MACIR: variants seen among roughly 807,000 people sequenced by gnomAD.
MACIR encodes the protein macrophage immunometabolism regulator.
MACIR carries 4 observed loss-of-function variants against 14.3 expected under a neutral mutation model. The observed-to-expected ratio is 0.28, with a 90% CI of 0.14 to 0.64. The LOEUF (loss-of-function observed/expected upper bound fraction) is 0.64. Ranked by LOEUF, MACIR falls within the 30% of genes least tolerant of loss-of-function variation. MACIR has a pLI of 0.83. For synonymous variants in MACIR, 101 were observed against 102.4 expected (o/e 0.99, Z 0.08); for missense variants, 228 against 257.6 (o/e 0.89, Z 0.79).
chr5:103,270,338 T>C (rs1357240981), intron 2 of MACIR, among the ~76,000 whole-genome samples: 1 of 151,298 alleles, frequency 6.6e-6, no homozygotes, highest in African/African-American at 2.5e-5. Context: ...TGCCTATGTG[T>C]ACTCTTGCAT....
intron 2 of MACIR, among the ~76,000 whole-genome samples, chr5:103,267,667 G>A (rs1562548404): frequency 6.6e-6 from 1 of 152,084 alleles, no homozygotes; most frequent in Non-Finnish European, 1.5e-5. Context: ...TTAAAATTTG[G>A]AGGACCATCT....
upstream of MACIR, among the ~76,000 whole-genome samples, chr5:103,258,440 G>A (rs951744095): frequency 6.6e-6 from 1 of 152,170 alleles, no homozygotes; most frequent in South Asian, 2.1e-4. Flanking sequence ...TCCCAGGTCC[G>A]CAAGTTGGAG....
chr5:103,259,139 TG>T (rs1484550685), intron 1 of MACIR: 2 of 152,224 alleles, frequency 1.3e-5, no homozygotes, highest in East Asian at 3.9e-4. Flanking sequence ...CAGCGTCCCT[TG>T]GCCTTGGTGG....
intron 1 of MACIR, among the ~76,000 whole-genome samples, chr5:103,263,993 G>A (rs1580567414): frequency 1.3e-5 from 2 of 152,070 alleles, no homozygotes; most frequent in East Asian, 3.8e-4. Context: ...TTTCAAGTTG[G>A]AAATAACCAT....
intron 1 of MACIR, among the ~76,000 whole-genome samples, chr5:103,260,999 C>T (rs1325743949): frequency 2.0e-5 from 3 of 152,138 alleles, no homozygotes; most frequent in Non-Finnish European, 2.9e-5. Flanking sequence ...CACTTACTGT[C>T]GGTCATATTT....
At chr5:103,273,970 G>A (rs1805228060) in intron 2 of MACIR, among the ~76,000 whole-genome samples, 3 of 152,106 alleles carry the variant, frequency 2.0e-5, no homozygotes, top group Non-Finnish European at 4.4e-5. Context: ...TGAGTGTGGT[G>A]CCCAGTCTTG....
chr5:103,264,367 A>G (rs1350246614), intron 1 of MACIR, among the ~76,000 whole-genome samples: 3 of 152,186 alleles, frequency 2.0e-5, no homozygotes, highest in Admixed American at 6.5e-5. Context: ...ATTGTATATC[A>G]CTTTTGACAT....
intron 2 of MACIR, among the ~76,000 whole-genome samples, chr5:103,272,070 A>T (rs2149931387): frequency 6.6e-6 from 1 of 152,256 alleles, no homozygotes; most frequent in East Asian, 1.9e-4. Context: ...AGTGCTTTGT[A>T]ATTGTTTATC....
intron 1 of MACIR, among the ~76,000 whole-genome samples, chr5:103,265,183 T>C (rs1320211656): frequency 6.6e-6 from 1 of 152,114 alleles, no homozygotes; most frequent in African/African-American, 2.4e-5. Context: ...GTGGTAACTA[T>C]AAAAAAGTGC....
At chr5:103,264,384 G>T (rs1804847502) in intron 1 of MACIR, among the ~76,000 whole-genome samples, 1 of 152,124 alleles carries the variant, frequency 6.6e-6, no homozygotes, top group Non-Finnish European at 1.5e-5. Flanking sequence ...ACATAAGGAA[G>T]ATGCTAAAGA....
At chr5:103,270,966 A>G (rs1459106747) in intron 2 of MACIR, among the ~76,000 whole-genome samples, 2 of 152,138 alleles carry the variant, frequency 1.3e-5, no homozygotes, top group Non-Finnish European at 2.9e-5. Context: ...TCAGTCTGTA[A>G]TAGAGAAAAA....
At chr5:103,272,404 A>G (rs1340817657) in intron 2 of MACIR, among the ~76,000 whole-genome samples, 8 of 149,990 alleles carry the variant, frequency 5.3e-5, no homozygotes, top group Admixed American at 5.3e-4. Flanking sequence ...GGAGGTACCC[A>G]GACTTCTTCC....
intron 2 of MACIR, among the ~76,000 whole-genome samples, chr5:103,266,924 CG>C (rs1342588435): frequency 6.6e-6 from 1 of 151,988 alleles, no homozygotes; most frequent in Non-Finnish European, 1.5e-5. Flanking sequence ...AAATTGGAAA[CG>C]TTACTAAAAT....
rs1804877537 is a variant in MACIR, at chr5:103,265,152, A to G, written c.-113-756A>G. ...GTAAGAGAGGGAAGGCACAGAGGAGATGCTAGAAACCTTAAGTAAGGTGGT... is the reference window on the plus strand; with the variant it reads ...GTAAGAGAGGGAAGGCACAGAGGAGGTGCTAGAAACCTTAAGTAAGGTGGT... On this transcript the variant is annotated intron_variant, in intron 1 of 2. Coordinates refer to ENST00000319933, the MANE Select transcript of MACIR (RefSeq NM_033211.4). Among the ~76,000 whole-genome samples, 3 of 152,110 alleles carry G rather than the reference A, an allele frequency of 2.0e-5. No individual in the cohort carries two copies. The South Asian group carries it at 6.2e-4, about 31-fold the overall frequency.
chr5:103,268,707 T>G (rs1335498211), intron 2 of MACIR, among the ~76,000 whole-genome samples: 4 of 152,196 alleles, frequency 2.6e-5, no homozygotes, highest in African/African-American at 9.7e-5. Flanking sequence ...ATCAGCAGTT[T>G]TTGAAGCTCC....
At chr5:103,265,054 T>G (rs1804875255) in intron 1 of MACIR, among the ~76,000 whole-genome samples, 1 of 152,046 alleles carries the variant, frequency 6.6e-6, no homozygotes. Context: ...GTTTTCCTCG[T>G]CTCAGCAAAT....
intron 2 of MACIR, among the ~76,000 whole-genome samples, chr5:103,270,667 C>T (rs1419541043): frequency 6.6e-6 from 1 of 152,138 alleles, no homozygotes; most frequent in African/African-American, 2.4e-5. Flanking sequence ...TTCATGGACT[C>T]TAAGACCTCT....
At position 103,277,636 on chromosome 5, in the gene MACIR, C is replaced by T. The variant is rs1329548165; in HGVS notation, c.*1096C>T. 1.8e-5 allele frequency: 3 copies of T among 166,880 alleles called. No individual in the cohort carries two copies. In the Admixed American group the frequency reaches 2.0e-4, roughly 11 times the overall value. 10.3% of individuals were successfully genotyped at this position (166,880 alleles called of 1,614,324 possible). ...GTTTTAATGGGTTAATCCTGGATTA[C>T]TTAACAATTTATGTCAATTGCACTG... On this transcript the variant is annotated 3_prime_UTR_variant, in exon 3 of 3. Coordinates refer to ENST00000319933, the MANE Select transcript of MACIR (RefSeq NM_033211.4).
intron 1 of MACIR, among the ~76,000 whole-genome samples, chr5:103,262,024 C>CT (rs1554236342): frequency 4.6e-5 from 7 of 152,114 alleles, no homozygotes. Context: ...AGATTCACGA[C>CT]TTTTTTGTGT....
Sources: allele counts gnomAD v4.1 joint callset (sites outside exome capture counted in the v4.1 genomes callset), GRCh38; gene constraint gnomAD v4.1.1; transcripts MANE v1.5; gene names NCBI Gene and HGNC (gene_info 2026-07-23, HGNC 2026-07-21).